The following SUPT3H variants were observed in gnomAD, a reference collection of about 807,000 sequenced individuals.
SUPT3H encodes the protein SPT3 homolog, SAGA and STAGA complex component.
Under a neutral mutation model 44.3 loss-of-function variants are expected in SUPT3H, and 44 were observed. That is an observed-to-expected ratio of 0.99 (90% CI 0.78 to 1.28). The LOEUF is 1.28. Ranked by LOEUF, SUPT3H falls within the 50% of genes most tolerant of loss-of-function variation. The probability of loss-of-function intolerance (pLI) is 0.00; values close to 1 mark genes in which losing one functional copy is unlikely to be tolerated. For synonymous variants in SUPT3H, 124 were observed against 125.6 expected (o/e 0.99, Z 0.09); for missense variants, 380 against 387.1 (o/e 0.98, Z 0.15).
At chr6:45,324,893 A>T (rs926188468) in intron 2 of SUPT3H, among the ~76,000 whole-genome samples, 1 of 151,974 alleles carries the variant, frequency 6.6e-6, no homozygotes, top group Non-Finnish European at 1.5e-5. Flanking sequence ...GTACATAAAC[A>T]TATACCCCAT....
intron 3 of SUPT3H, among the ~76,000 whole-genome samples, chr6:45,060,697 A>G (rs1176317835): frequency 1.3e-5 from 2 of 152,184 alleles, no homozygotes; most frequent in African/African-American, 2.4e-5. Flanking sequence ...CAATCTATCC[A>G]TGAGATAAAG....
chr6:44,854,947 A>G lies in SUPT3H; in HGVS notation c.913-25090T>C, dbSNP rs543198324. 4.6e-5 allele frequency among the ~76,000 whole-genome samples: 7 copies of G among 152,204 alleles called. No homozygotes were observed. In the South Asian group the frequency reaches 1.2e-3, roughly 27 times the overall value. Reference sequence around the variant, plus strand: ...GATAAAACATAGAATTTCCTTATCTAAAAGATAAGCACAAAGAGGAAGCAC... The same window carrying G: ...GATAAAACATAGAATTTCCTTATCTGAAAGATAAGCACAAAGAGGAAGCAC... On this transcript the variant is annotated intron_variant, in intron 10 of 10. Coordinates refer to ENST00000371459, the MANE Select transcript of SUPT3H (RefSeq NM_003599.4).
intron 10 of SUPT3H, among the ~76,000 whole-genome samples, chr6:44,847,167 T>A (rs997013418): frequency 2.0e-5 from 3 of 152,214 alleles, no homozygotes; most frequent in Non-Finnish European, 1.5e-5. Context: ...ATTTTTTTTC[T>A]TGTATTTTAG....
At chr6:44,840,891 T>C (rs552132983) in intron 10 of SUPT3H, among the ~76,000 whole-genome samples, 11 of 152,372 alleles carry the variant, frequency 7.2e-5, no homozygotes, top group African/African-American at 2.6e-4. Flanking sequence ...TATGGTGATA[T>C]TAAAGAGTCA....
intron 3 of SUPT3H, among the ~76,000 whole-genome samples, chr6:45,094,561 C>T (rs897558045): frequency 6.6e-6 from 1 of 152,074 alleles, no homozygotes; most frequent in Non-Finnish European, 1.5e-5. Context: ...CCAGTTGATC[C>T]TCTGTGTCAT....
chr6:45,325,546 G>A lies in SUPT3H; in HGVS notation c.101+39655C>T, dbSNP rs552717880. Among the ~76,000 whole-genome samples the A allele has an allele frequency of 1.8e-3, 279 of 151,910 alleles. 1 individual carries two copies. Among genetic ancestry groups the A allele is most frequent in the African/African-American group, 6.2e-3 (258 of 41,486 alleles). On this transcript the variant is annotated intron_variant, in intron 2 of 10. Transcript: ENST00000371459. ...TTTCATTTCCATGGCATTAAAGTATGTGATTTATACAGTATACCTAAACTT... is the reference window on the plus strand; with the variant it reads ...TTTCATTTCCATGGCATTAAAGTATATGATTTATACAGTATACCTAAACTT...
chr6:45,121,057 T>C (rs975030127), intron 2 of SUPT3H, among the ~76,000 whole-genome samples: 2 of 152,212 alleles, frequency 1.3e-5, no homozygotes, highest in Non-Finnish European at 1.5e-5. Flanking sequence ...GTAATTATTA[T>C]TATATTCAGA....
At chr6:45,238,728 A>C (rs1769696304) in intron 2 of SUPT3H, among the ~76,000 whole-genome samples, 1 of 152,204 alleles carries the variant, frequency 6.6e-6, no homozygotes, top group Admixed American at 6.5e-5. Flanking sequence ...TGAAATTGCT[A>C]CTATGATAGG....
At chr6:45,062,630 G>A (rs868738102) in intron 3 of SUPT3H, among the ~76,000 whole-genome samples, 18 of 152,202 alleles carry the variant, frequency 1.2e-4, no homozygotes, top group African/African-American at 2.7e-4. Flanking sequence ...GAAGCAGGGC[G>A]AGGCATTGCC....
intron 2 of SUPT3H, among the ~76,000 whole-genome samples, chr6:45,166,583 C>CAA (rs3054765): frequency 4.1e-5 from 4 of 96,532 alleles, no homozygotes; most frequent in African/African-American, 8.4e-5. Flanking sequence ...AGACTCCATC[C>CAA]AAAAAAAAAA....
At chr6:45,137,388 C>A (rs994769412) in intron 2 of SUPT3H, among the ~76,000 whole-genome samples, 2 of 151,892 alleles carry the variant, frequency 1.3e-5, no homozygotes, top group African/African-American at 4.8e-5. Context: ...GACACTTTTT[C>A]ACATTTCTTC....
intron 3 of SUPT3H, among the ~76,000 whole-genome samples, chr6:45,066,332 A>G (rs984449839): frequency 5.4e-5 from 8 of 148,446 alleles, no homozygotes; most frequent in Admixed American, 2.0e-4. Context: ...AGAGCTATCT[A>G]TGACAAACCC....
At chr6:45,352,167 C>T (rs1792199724) in intron 2 of SUPT3H, among the ~76,000 whole-genome samples, 1 of 152,120 alleles carries the variant, frequency 6.6e-6, no homozygotes, top group Non-Finnish European at 1.5e-5. Context: ...ACTAAAAATC[C>T]TAACAGTATT....
intron 2 of SUPT3H, among the ~76,000 whole-genome samples, chr6:45,327,502 T>C (rs1003559884): frequency 1.3e-5 from 2 of 151,998 alleles, no homozygotes; most frequent in African/African-American, 4.8e-5. Flanking sequence ...ATAAACTATA[T>C]TACAATCCCT....
At chr6:45,065,466 A>C (rs199983130) in intron 3 of SUPT3H, among the ~76,000 whole-genome samples, 406 of 137,816 alleles carry the variant, frequency 2.9e-3, no homozygotes, top group Admixed American at 3.9e-3. Context: ...AAATCAGAGC[A>C]GAACTGAAGG....
chr6:45,023,756 C>T (rs564782302), intron 3 of SUPT3H, among the ~76,000 whole-genome samples: 54 of 151,974 alleles, frequency 3.6e-4, no homozygotes, highest in Non-Finnish European at 6.2e-4. Context: ...CTGGGGCCTA[C>T]TTGAAGGTGG....
chr6:45,263,600 A>T (rs1774757059), intron 2 of SUPT3H, among the ~76,000 whole-genome samples: 1 of 152,154 alleles, frequency 6.6e-6, no homozygotes, highest in Non-Finnish European at 1.5e-5. Flanking sequence ...TTACCCACGT[A>T]ACAAACCTGA....
At chr6:44,867,791 G>T (rs982924887) in intron 10 of SUPT3H, among the ~76,000 whole-genome samples, 5 of 152,198 alleles carry the variant, frequency 3.3e-5, no homozygotes, top group Non-Finnish European at 7.3e-5. Context: ...TGCCTCCCCA[G>T]TGGGCAGGCG....
At chr6:45,278,709 T>C (rs1165840779) in intron 2 of SUPT3H, among the ~76,000 whole-genome samples, 3 of 152,202 alleles carry the variant, frequency 2.0e-5, no homozygotes, top group Admixed American at 6.5e-5. Context: ...CACTACAATT[T>C]ATAAGCAAGA....
Sources: gnomAD v4.1 joint callset for allele counts (sites outside exome capture counted in the v4.1 genomes callset) on GRCh38, gnomAD v4.1.1 for gene constraint, MANE v1.5 for transcripts, NCBI Gene and HGNC (gene_info 2026-07-23, HGNC 2026-07-21) for gene names.